NFATC3: variants seen among roughly 807,000 people sequenced by gnomAD.
NFATC3 encodes nuclear factor of activated T-cells, cytoplasmic 3.
In NFATC3, 46 loss-of-function variants were observed where a neutral mutation model predicts 98.6. The ratio of observed to expected loss-of-function variants is 0.47; its 90% confidence interval spans 0.37 to 0.60. The LOEUF is 0.60. Among genes scored for constraint, NFATC3 ranks in the 20% least tolerant of loss-of-function variants. The pLI is 0.00. For missense variants in NFATC3, 1,256 were observed against 1,295.5 expected (o/e 0.97, Z 0.47); for synonymous variants, 512 against 472.2 (o/e 1.08, Z -1.09).
chr16:68,221,150 GT>G (rs1324097647), intron 9 of NFATC3: 1 of 1,594,164 alleles, frequency 6.3e-7, no homozygotes, highest in East Asian at 2.2e-5. Context: ...CTTAAAAATT[GT>G]GCTTATCAAG....
chr16:68,178,678 C>A (rs948539400), intron 6 of NFATC3, among the ~76,000 whole-genome samples: 9 of 152,182 alleles, frequency 5.9e-5, no homozygotes, highest in Middle Eastern at 3.2e-3. Context: ...GTAGGTGTCA[C>A]ATTTTAGGTG....
intron 4 of NFATC3, among the ~76,000 whole-genome samples, chr16:68,160,108 C>T (rs886297388): frequency 2.0e-5 from 3 of 152,184 alleles, no homozygotes; most frequent in Non-Finnish European, 2.9e-5. Flanking sequence ...CAGTCTTGAG[C>T]TCTCTTCATT....
intron 3 of NFATC3, among the ~76,000 whole-genome samples, chr16:68,135,457 C>CAA (rs60331468): frequency 2.8e-4 from 22 of 78,682 alleles, no homozygotes; most frequent in East Asian, 4.6e-4. Context: ...GACTCCGTCT[C>CAA]AAAAAAAAAA....
chr16:68,212,692 TA>T (rs1182345033), intron 9 of NFATC3: 6 of 151,990 alleles, frequency 3.9e-5, no homozygotes, highest in Non-Finnish European at 7.4e-5. Context: ...AATACATACA[TA>T]TACAACTAAT....
Position 68,191,395 on chromosome 16 carries a change from A to C in NFATC3, c.2726A>C (p.Gln909Pro), listed in dbSNP as rs533623219. ...CAGATTACAGGTCAGCCTTCGTCTC[A>C]GTTACAACCTATTACATATGGTCCT... ...ADQITGQPSS[Q>P]LQPITYGPSH... Residue 909 changes from glutamine (Q) to proline (P), a missense_variant, in exon 9 of 10, where the codon CAG (glutamine) becomes CCG (proline). This residue lies in a region of NFATC3 where 636 missense variants were observed against 617.3 expected (regional missense o/e 1.03). Coordinates refer to ENST00000346183, the MANE Select transcript of NFATC3 (RefSeq NM_173165.3). 6.2e-7 allele frequency: 1 copy of C among 1,614,112 alleles called. No individual in the cohort carries two copies. The highest frequency in any genetic ancestry group is 1.3e-5 in the African/African-American group (1 of 75,012).
chr16:68,164,689 C>T lies in NFATC3; in HGVS notation c.1602-2154C>T, dbSNP rs111945435. Among the ~76,000 whole-genome samples the T allele has an allele frequency of 4.9e-3, 744 of 151,890 alleles. 7 individuals are homozygous for T. The highest frequency in any genetic ancestry group is 0.017 in the African/African-American group (705 of 41,410). On this transcript the variant is annotated intron_variant, in intron 4 of 9. Transcript: ENST00000346183. ...GATCAGGAGATCGAGACCATCCTGG[C>T]CAGCATGGTGAAACCCCGTCTCTAC...
rs183037968 is a variant in NFATC3, at chr16:68,112,399, G to T, written c.104-9588G>T. Among the ~76,000 whole-genome samples the T allele has an allele frequency of 6.6e-3, 942 of 141,776 alleles. 11 individuals are homozygous for T. Among genetic ancestry groups the T allele is most frequent in the African/African-American group, 0.023 (898 of 38,530 alleles). 93.0% of individuals were successfully genotyped at this position (141,776 alleles called of 152,430 possible). A position where few individuals can be genotyped will look rare whatever the true frequency, so the allele number is the denominator to read the frequency against. On this transcript the variant is annotated intron_variant, in intron 1 of 9. Transcript: ENST00000346183. ...TTCAAGCGATCCTTCTGCCTCAGCC[G>T]CCCGAGTAGCTGGGACTACAGGCAC... is the stretch of plus-strand genomic sequence containing the variant.
intron 9 of NFATC3, among the ~76,000 whole-genome samples, chr16:68,194,719 T>C (rs1354177483): frequency 3.3e-5 from 5 of 152,154 alleles, no homozygotes. Context: ...ATTTTTTCCT[T>C]CTAAAAAGAG....
At chr16:68,140,946 C>T (rs1017095655) in intron 3 of NFATC3, among the ~76,000 whole-genome samples, 1 of 152,146 alleles carries the variant, frequency 6.6e-6, no homozygotes, top group Admixed American at 6.5e-5. Flanking sequence ...TTCACCCCCT[C>T]CTATCCTACC....
chr16:68,147,129 T>G (rs2151552704), intron 3 of NFATC3, among the ~76,000 whole-genome samples: 1 of 152,366 alleles, frequency 6.6e-6, no homozygotes, highest in Non-Finnish European at 1.5e-5. Flanking sequence ...ATCAGTTTAT[T>G]TTATCAAAGT....
rs543370497 is a variant in NFATC3, at chr16:68,122,188, G to A, written c.305G>A (p.Gly102Asp). The A allele has an allele frequency of 5.6e-6, 9 of 1,614,064 alleles. No homozygotes were observed. In the East Asian group the frequency reaches 1.6e-4, roughly 28 times the overall value. ...GAATCTAAATATAGCCCATTAGGTG[G>A]TCCCAAACCCTTTGAGTGCCCAAGT... ...IPESKYSPLG[G>D]PKPFECPSIQ... The change falls in exon 2 of 10, where the codon GGT becomes GAT. Residue 102 changes from glycine to aspartate, a missense_variant. By Grantham distance (94) the Gly-to-Asp change is moderately conservative (BLOSUM62 -1). Around this residue, in one of 3 missense-constraint regions of NFATC3, gnomAD observed 464 missense variants for 465.7 expected, o/e 1.00. Coordinates refer to ENST00000346183, the MANE Select transcript of NFATC3 (RefSeq NM_173165.3).
At chr16:68,096,250 G>A (rs1389312643) in intron 1 of NFATC3, among the ~76,000 whole-genome samples, 24 of 152,226 alleles carry the variant, frequency 1.6e-4, no homozygotes, top group Non-Finnish European at 3.5e-4. Flanking sequence ...ACAGGTGTGA[G>A]CCACCATGCC....
At chr16:68,124,993 A>T (rs1218335056) in intron 2 of NFATC3, among the ~76,000 whole-genome samples, 5 of 152,124 alleles carry the variant, frequency 3.3e-5, no homozygotes. Context: ...GGCCTCCCAA[A>T]GTGCTGGGAT....
chr16:68,192,889 T>G (rs866843321), intron 9 of NFATC3, among the ~76,000 whole-genome samples: 1 of 152,032 alleles, frequency 6.6e-6, no homozygotes, highest in Admixed American at 6.6e-5. Flanking sequence ...TCAGCAGAGA[T>G]ATGTAACAGA....
intron 9 of NFATC3, chr16:68,200,035 A>C (rs952990050): frequency 2.6e-5 from 4 of 152,060 alleles, no homozygotes; most frequent in African/African-American, 9.7e-5. Context: ...TTCTTGTTTT[A>C]TGTGGGCTCT....
At chr16:68,196,682 A>G (rs1193648092) in intron 9 of NFATC3, among the ~76,000 whole-genome samples, 1 of 151,730 alleles carries the variant, frequency 6.6e-6, no homozygotes, top group Non-Finnish European at 1.5e-5. Context: ...TGACAGAGTG[A>G]GAGACTCCAT....
chr16:68,128,563 G>GA (rs2036957405), intron 3 of NFATC3, among the ~76,000 whole-genome samples: 1 of 151,638 alleles, frequency 6.6e-6, no homozygotes, highest in South Asian at 2.1e-4. Context: ...TTCCTTTAAT[G>GA]AAAAAACCGA....
chr16:68,130,356 GATATT>G (rs2037053743), intron 3 of NFATC3, among the ~76,000 whole-genome samples: 1 of 152,138 alleles, frequency 6.6e-6, no homozygotes, highest in Admixed American at 6.5e-5. Flanking sequence ...TAACCGGAGT[GATATT>G]ATATCTCATT....
chr16:68,191,695 C>T lies in NFATC3; in HGVS notation c.3026C>T (p.Thr1009Ile), dbSNP rs368080522. The T allele has an allele frequency of 6.2e-7, 1 of 1,614,142 alleles. No homozygotes were observed. Among genetic ancestry groups the T allele is most frequent in the Non-Finnish European group, 8.5e-7 (1 of 1,180,044 alleles). ...DPASFPPDGA[T>I]VSIKPEPEDR... ...GCGTCATTTCCACCTGATGGGGCAA[C>T]TGTGAGCATTAAACCTGAACCAGAA... Residue 1009 changes from threonine to isoleucine, a missense_variant, in exon 9 of 10, where the codon ACT (threonine) becomes ATT (isoleucine). By Grantham distance (89) the Thr-to-Ile change is moderately conservative (BLOSUM62 -1). This residue lies in a region of NFATC3 where 636 missense variants were observed against 617.3 expected (regional missense o/e 1.03). Transcript: ENST00000346183.
Sources: allele counts gnomAD v4.1 joint callset (sites outside exome capture counted in the v4.1 genomes callset), GRCh38; gene constraint gnomAD v4.1.1; regional missense constraint gnomAD v4.1.1; transcripts MANE v1.5; gene names NCBI Gene and HGNC (gene_info 2026-07-23, HGNC 2026-07-21).